Variants in ZNF793 observed in about 807,000 individuals in gnomAD.
The protein encoded by ZNF793 is zinc finger protein 793.
A neutral mutation model predicts 12.4 loss-of-function variants in ZNF793; 5 were observed. That is an observed-to-expected ratio of 0.40 (90% CI 0.21 to 0.84). ZNF793 has a LOEUF of 0.84. Ranked by LOEUF, ZNF793 falls within the 40% of genes least tolerant of loss-of-function variation. The pLI, the probability that ZNF793 is intolerant of heterozygous loss-of-function variation, is 0.35. For synonymous variants in ZNF793, 162 were observed against 172.4 expected (o/e 0.94, Z 0.47); for missense variants, 456 against 495.0 (o/e 0.92, Z 0.75).
intron 5 of ZNF793, among the ~76,000 whole-genome samples, chr19:37,532,083 G>A (rs182972609): frequency 6.7e-6 from 1 of 149,288 alleles, no homozygotes; most frequent in Non-Finnish European, 1.5e-5. Flanking sequence ...GTGCGATCTC[G>A]GCTCACTGCA....
At chr19:37,524,781 G>A (rs1016888419) in intron 5 of ZNF793, among the ~76,000 whole-genome samples, 2 of 152,208 alleles carry the variant, frequency 1.3e-5, no homozygotes, top group Non-Finnish European at 2.9e-5. Context: ...ATTTGTAGGT[G>A]TAGCCTGGGA....
At chr19:37,529,582 T>G (rs1232558508) in intron 5 of ZNF793, among the ~76,000 whole-genome samples, 7 of 152,142 alleles carry the variant, frequency 4.6e-5, no homozygotes, top group Non-Finnish European at 7.3e-5. Flanking sequence ...AACCTCTGCC[T>G]CCCAGTTTCA....
rs1172893244 is a variant in ZNF793, at chr19:37,538,432, C to T, written c.*553C>T. The T allele has an allele frequency of 6.6e-6, 1 of 152,394 alleles. No homozygotes were observed. Among genetic ancestry groups the T allele is most frequent in the Admixed American group, 6.5e-5 (1 of 15,280 alleles). 9.4% of individuals were successfully genotyped at this position (152,394 alleles called of 1,614,324 possible). A position where few individuals can be genotyped will look rare whatever the true frequency, so the allele number is the denominator to read the frequency against. Reference sequence around the variant, plus strand: ...AGTAGCTGGGATTACAGGCACCTGCCACCACGCCTGGCTAATTTTTGTATT... The same window carrying T: ...AGTAGCTGGGATTACAGGCACCTGCTACCACGCCTGGCTAATTTTTGTATT... On this transcript the variant is annotated 3_prime_UTR_variant, in exon 8 of 8. Coordinates refer to ENST00000627814, the MANE Select transcript of ZNF793 (RefSeq NM_001013659.3).
chr19:37,529,598 T>C (rs1274351130), intron 5 of ZNF793, among the ~76,000 whole-genome samples: 1 of 152,202 alleles, frequency 6.6e-6, no homozygotes, highest in African/African-American at 2.4e-5. Context: ...TTTCAAGCGA[T>C]TCTCCTGCCT....
intron 5 of ZNF793, among the ~76,000 whole-genome samples, chr19:37,532,141 G>C (rs868211707): frequency 1.1e-4 from 17 of 151,642 alleles, no homozygotes; most frequent in South Asian, 4.2e-4. Flanking sequence ...AGCCTCCCAA[G>C]TAGCTGAGAT....
At chr19:37,527,903 G>T (rs1434100166) in intron 5 of ZNF793, among the ~76,000 whole-genome samples, 2 of 151,894 alleles carry the variant, frequency 1.3e-5, no homozygotes, top group Non-Finnish European at 2.9e-5. Context: ...CGGATCGCTT[G>T]AGGTCAGGAG....
chr19:37,533,775 A>T, intron 7 of ZNF793: 1 of 410,052 alleles, frequency 2.4e-6, no homozygotes, highest in Non-Finnish European at 4.3e-6. Context: ...AATTTAAATC[A>T]CTCCCATAGA....
In ZNF793 at chr19:37,536,796, G is replaced by A. The variant is rs1016355472; in HGVS notation, c.239-101G>A. ...CCCTGCGTTTGTGCTTTGGGTTATG[G>A]TTCATGTTCTCTATTTGTGTGCTGT... is the stretch of plus-strand genomic sequence containing the variant. On this transcript the variant is annotated intron_variant, in intron 7 of 7. Transcript: ENST00000627814. 66 of 1,343,184 alleles carry A rather than the reference G, an allele frequency of 4.9e-5. No homozygotes were observed. In the African/African-American group the frequency reaches 9.3e-4, roughly 19 times the overall value. 83.2% of individuals were successfully genotyped at this position (1,343,184 alleles called of 1,614,324 possible). A position where few individuals can be genotyped will look rare whatever the true frequency, so the allele number is the denominator to read the frequency against.
chr19:37,528,741 G>A (rs150833011), intron 5 of ZNF793, among the ~76,000 whole-genome samples: 33 of 152,160 alleles, frequency 2.2e-4, no homozygotes, highest in East Asian at 1.2e-3. Context: ...CCCATAACCC[G>A]AGGCCTGCCA....
chr19:37,534,693 T>A (rs2042490503), intron 7 of ZNF793: 3 of 152,366 alleles, frequency 2.0e-5, no homozygotes, highest in Admixed American at 6.6e-5. Flanking sequence ...TTTTTTTTTT[T>A]CTTTTTGAGA....
At chr19:37,534,296 T>C (rs1391146469) in intron 7 of ZNF793, 1 of 152,184 alleles carries the variant, frequency 6.6e-6, no homozygotes, top group African/African-American at 2.4e-5. Context: ...CTCAAAGAAC[T>C]CACCCATTCT....
rs189009759 is a variant in ZNF793 at position 37,538,116 on chromosome 19, C to T, written c.*237C>T. On this transcript the variant is annotated 3_prime_UTR_variant, in exon 8 of 8. Coordinates refer to ENST00000627814, the MANE Select transcript of ZNF793 (RefSeq NM_001013659.3). ...ATTTTTAGTAGAGACGGGGTTTCAC[C>T]GTGTTAGCCAGGATGGTCTCGATCT... 83 of 418,668 alleles carry T rather than the reference C, an allele frequency of 2.0e-4. 1 individual carries two copies. In the Middle Eastern group the frequency reaches 2.7e-3, roughly 14 times the overall value. The allele number at this position is 418,668 out of a possible 1,614,324, so 25.9% of individuals were successfully genotyped here. A position where few individuals can be genotyped will look rare whatever the true frequency, so the allele number is the denominator to read the frequency against.
chr19:37,530,650 T>C (rs2042452413), intron 5 of ZNF793, among the ~76,000 whole-genome samples: 2 of 152,146 alleles, frequency 1.3e-5, no homozygotes, highest in Non-Finnish European at 2.9e-5. Context: ...GGTGGGGTTA[T>C]AGATTAACAG....
intron 5 of ZNF793, among the ~76,000 whole-genome samples, chr19:37,529,712 C>T (rs776163535): frequency 1.3e-5 from 2 of 152,090 alleles, no homozygotes; most frequent in African/African-American, 4.8e-5. Flanking sequence ...AGGCTGGTCT[C>T]GAACTCCTGA....
In ZNF793 at chr19:37,537,293, C is replaced by A. The variant is rs748326380; in HGVS notation, c.635C>A (p.Ser212Tyr). 6.2e-7 allele frequency: 1 copy of A among 1,613,796 alleles called. No homozygotes were observed. Residue 212 changes from serine (S) to tyrosine (Y), a missense_variant, in exon 8 of 8, where the codon TCT becomes TAT. Transcript: ENST00000627814. ...ATGTATAAACCAGCAGTAAGTGATT[C>A]TCTCTTGTACAAACGGAAGAGGGTT... ...ALMYKPAVSD[S>Y]LLYKRKRVPP...
intron 2 of ZNF793, among the ~76,000 whole-genome samples, chr19:37,518,842 T>C: frequency 6.7e-6 from 1 of 149,808 alleles, no homozygotes; most frequent in South Asian, 2.1e-4. Context: ...TTGCTTCCAG[T>C]TGTTTTACTT....
At chr19:37,530,664 C>T (rs2042452519) in intron 5 of ZNF793, among the ~76,000 whole-genome samples, 1 of 152,282 alleles carries the variant, frequency 6.6e-6, no homozygotes, top group African/African-American at 2.4e-5. Context: ...TTAACAGCAT[C>T]TCAAGGCAGA....
chr19:37,507,161 G>A (rs1417737315), intron 1 of ZNF793, 195 bp downstream of exon 1: 2 of 152,750 alleles, frequency 1.3e-5, no homozygotes, highest in African/African-American at 4.8e-5. Flanking sequence ...TAAGAGATTC[G>A]GCGTCTGAGC....
Position 37,537,310 on chromosome 19 carries a change from A to T in ZNF793, c.652A>T (p.Lys218Ter), listed in dbSNP as rs1216404909. The T allele has an allele frequency of 2.5e-6, 4 of 1,613,676 alleles. No homozygotes were observed. The East Asian group carries it at 8.9e-5, about 36-fold the overall frequency. ...AVSDSLLYKR[K>*]RVPPTEKPHV... ...AAGTGATTCTCTCTTGTACAAACGG[A>T]AGAGGGTTCCACCTACAGAAAAACC... Residue 218 changes from lysine (K) to a stop codon, truncating the protein, a stop_gained, in exon 8 of 8, where the codon AAG becomes TAG. Coordinates refer to ENST00000627814, the MANE Select transcript of ZNF793 (RefSeq NM_001013659.3). LOFTEE classifies it low-confidence loss of function (END_TRUNC).
Sources: gnomAD v4.1 joint callset for allele counts (sites outside exome capture counted in the v4.1 genomes callset) on GRCh38, gnomAD v4.1.1 for gene constraint, MANE v1.5 for transcripts, NCBI Gene and HGNC (gene_info 2026-07-23, HGNC 2026-07-21) for gene names.